MTCH1: variants seen among roughly 807,000 people sequenced by gnomAD.
MTCH1 encodes the protein mitochondrial carrier homolog 1.
A neutral mutation model predicts 49.3 loss-of-function variants in MTCH1; 23 were observed. That is an observed-to-expected ratio of 0.47 (90% CI 0.34 to 0.66). The LOEUF (loss-of-function observed/expected upper bound fraction) is 0.66. MTCH1 is among the 30% of genes least tolerant of loss of function. MTCH1 has a pLI of 0.01. For synonymous variants in MTCH1, 229 were observed against 215.2 expected (o/e 1.06, Z -0.56); for missense variants, 397 against 532.1 (o/e 0.75, Z 2.50).
chr6:36,974,956 G>T (rs901056803), intron 7 of MTCH1, among the ~76,000 whole-genome samples: 1 of 152,158 alleles, frequency 6.6e-6, no homozygotes, highest in Non-Finnish European at 1.5e-5. Context: ...ATCAAGCCTG[G>T]CTTCTGTCTG....
chr6:36,972,824 C>A lies in MTCH1; in HGVS notation c.762-28G>T. The A allele has an allele frequency of 6.5e-7, 1 of 1,533,574 alleles. No individual in the cohort carries two copies. The highest frequency in any genetic ancestry group is 8.8e-7 in the Non-Finnish European group (1 of 1,132,806). The allele number at this position is 1,533,574 out of a possible 1,614,324, so 95.0% of individuals were successfully genotyped here. ...AAAAAACAAGGTAAGCAGAGATGAGCAGGAGAGGGAGAGGAGCAGTTCCTG... is the reference window on the plus strand; with the variant it reads ...AAAAAACAAGGTAAGCAGAGATGAGAAGGAGAGGGAGAGGAGCAGTTCCTG... On this transcript the variant is annotated intron_variant, in intron 7 of 11. Transcript: ENST00000373627. This position sits in a 1 kb window ranked among gnomAD's most constrained non-coding sequence, Gnocchi z 4.1.
chr6:36,983,635 CG>C (rs1764187928), intron 1 of MTCH1, among the ~76,000 whole-genome samples: 2 of 152,140 alleles, frequency 1.3e-5, no homozygotes, highest in Non-Finnish European at 1.5e-5. Flanking sequence ...GTCCTAACTA[CG>C]GCAAATGCTG....
In MTCH1 at chr6:36,978,090, T is replaced by C; in HGVS notation, c.579A>G (p.Lys193=). 1 of 1,612,906 alleles carries C rather than the reference T, an allele frequency of 6.2e-7. No homozygotes were observed. Among genetic ancestry groups the C allele is most frequent in the East Asian group, 2.2e-5 (1 of 44,882 alleles). Residue 193 remains lysine, a synonymous_variant, in exon 4 of 12, where the codon AAA becomes AAG. Transcript: ENST00000373627. ...TCTCAACACCCACCTCCTTCACAACTTTCTTCAGGGAAGTCTTCATATCAT... is the reference window on the plus strand; with the variant it reads ...TCTCAACACCCACCTCCTTCACAACCTTCTTCAGGGAAGTCTTCATATCAT... ...NKDDMKTSLK[K]VVKETSYEMM...
At chr6:36,976,662 C>G in intron 6 of MTCH1, 1 of 456,350 alleles carries the variant, frequency 2.2e-6, no homozygotes, top group Non-Finnish European at 4.6e-6. Flanking sequence ...CCAGGTGTGT[C>G]CTTCACACAT....
In MTCH1 at chr6:36,981,625, C is replaced by T. The variant is rs780822674; in HGVS notation, c.369G>A (p.Gly123=). 65 of 1,613,876 alleles carry T rather than the reference C, an allele frequency of 4.0e-5. No homozygotes were observed. The highest frequency in any genetic ancestry group is 5.4e-5 in the Non-Finnish European group (64 of 1,179,970). ...AGCTCGGCAGATAGAGGACCTTCCT[C>T]CCCAGCACATTGGTCCCAAGGGTGG... The part of the protein sequence containing the change: ...MPPTLGTNVL[G]RKVLYLPSFF... Residue 123 remains glycine (G), a synonymous_variant, in exon 2 of 12, where the codon GGG becomes GGA. Coordinates refer to ENST00000373627, the MANE Select transcript of MTCH1 (RefSeq NM_001271641.2).
Position 36,982,786 on chromosome 6 carries a change from G to A in MTCH1, c.322-1114C>T, listed in dbSNP as rs374583017. On this transcript the variant is annotated intron_variant, in intron 1 of 11. Transcript: ENST00000373627. The surrounding 1 kb of genome is among the most constrained non-coding windows in gnomAD (Gnocchi z 4.1). ...GAGGGGTGAGAGCCCCTGCTGCCAG[G>A]GAGGAGGCAAGGTGTCAAGGAGACC... 6.6e-6 allele frequency among the ~76,000 whole-genome samples: 1 copy of A among 152,252 alleles called. No individual in the cohort carries two copies. The highest frequency in any genetic ancestry group is 1.5e-5 in the Non-Finnish European group (1 of 68,042).
intron 11 of MTCH1, 145 bp downstream of exon 11, chr6:36,969,894 C>T (rs1420385786): frequency 1.2e-5 from 19 of 1,547,212 alleles, no homozygotes; most frequent in Non-Finnish European, 1.5e-5. Flanking sequence ...AACTTAAATG[C>T]CTTATAGATA....
rs144166180 is a variant in MTCH1, at chr6:36,969,993, T to C, written c.1098+46A>G. The C allele has an allele frequency of 5.6e-4, 896 of 1,608,500 alleles. 6 individuals are homozygous for C. In the African/African-American group the frequency reaches 7.8e-3, roughly 14 times the overall value. On this transcript the variant is annotated intron_variant, in intron 11 of 11. Coordinates refer to ENST00000373627, the MANE Select transcript of MTCH1 (RefSeq NM_001271641.2). ...CCACAAAACCATTTCAGCTGAAGGA[T>C]GTAGCAAAGAACAGGAAAGGCCTCC...
At chr6:36,979,771 A>T (rs1424626918) in intron 2 of MTCH1, among the ~76,000 whole-genome samples, 1 of 152,164 alleles carries the variant, frequency 6.6e-6, no homozygotes, top group Non-Finnish European at 1.5e-5. Flanking sequence ...GAGGAGAGGG[A>T]GCCTCAGGAC....
Position 36,981,581 on chromosome 6 carries a change from C to A in MTCH1, c.406+7G>T. On this transcript the variant is annotated splice_region_variant and intron_variant, in intron 2 of 11. Coordinates refer to ENST00000373627, the MANE Select transcript of MTCH1 (RefSeq NM_001271641.2). ...TGTGGGCTTTCCTGCTTGGGAGGCA[C>A]ACTCACCGTAGGTGAAGAAGCTCGG... 6.2e-7 allele frequency: 1 copy of A among 1,613,410 alleles called. No individual in the cohort carries two copies. Among genetic ancestry groups the A allele is most frequent in the Non-Finnish European group, 8.5e-7 (1 of 1,179,556 alleles).
At chr6:36,976,445 A>C (rs966576950) in intron 6 of MTCH1, 2 of 442,878 alleles carry the variant, frequency 4.5e-6, no homozygotes, top group Non-Finnish European at 9.6e-6. Flanking sequence ...GCCCGGCCCC[A>C]CCACTCAGAA....
chr6:36,974,451 C>T (rs186870782), intron 7 of MTCH1, among the ~76,000 whole-genome samples: 105 of 152,272 alleles, frequency 6.9e-4, no homozygotes, highest in East Asian at 2.9e-3. Context: ...GTAATCCTCC[C>T]GCCTTGGTCT....
In MTCH1 at chr6:36,972,554, C is replaced by T. The variant is rs1763720031; in HGVS notation, c.906+98G>A. On this transcript the variant is annotated intron_variant, in intron 8 of 11. Transcript: ENST00000373627. The surrounding 1 kb of genome is among the most constrained non-coding windows in gnomAD (Gnocchi z 4.1). The stretch of plus-strand genomic sequence containing the variant: ...TAATGAGAGGTCCTCTCTCACCCTC[C>T]CGGCCTGATGCTGAGAATCCCAGAA... 9.9e-6 allele frequency: 14 copies of T among 1,413,502 alleles called. No individual in the cohort carries two copies. The highest frequency in any genetic ancestry group is 1.3e-5 in the Non-Finnish European group (14 of 1,049,310). 87.6% of individuals were successfully genotyped at this position (1,413,502 alleles called of 1,614,324 possible).
upstream of MTCH1, chr6:36,986,394 C>T (rs1764323288): frequency 1.1e-5 from 4 of 372,762 alleles, no homozygotes; most frequent in South Asian, 2.3e-4. Flanking sequence ...GCCGGGGCCC[C>T]GGGCTCGGGA....
chr6:36,986,342 C>A, upstream of MTCH1: 1 of 567,040 alleles, frequency 1.8e-6, no homozygotes, highest in Non-Finnish European at 2.7e-6. Flanking sequence ...GGAGGCCTAG[C>A]AGGACACTGG....
Position 36,968,984 on chromosome 6 carries a change from A to C in MTCH1, c.1099-10T>G, listed in dbSNP as rs1193986815. On this transcript the variant is annotated splice_polypyrimidine_tract_variant and intron_variant, in intron 11 of 11. Coordinates refer to ENST00000373627, the MANE Select transcript of MTCH1 (RefSeq NM_001271641.2). ...CTCGGAAGAGCTGGCCCTGGACCAG[A>C]AGGAAAAGTAAGGTGAGTGAAAGGG... The C allele has an allele frequency of 6.2e-7, 1 of 1,613,534 alleles. No homozygotes were observed. The highest frequency in any genetic ancestry group is 1.7e-5 in the Admixed American group (1 of 59,966).
At chr6:36,978,657 G>A (rs2150750527) in intron 2 of MTCH1, 46 bp from the exon 3 acceptor site, 2 of 1,560,472 alleles carry the variant, frequency 1.3e-6, no homozygotes, top group East Asian at 4.5e-5. Context: ...CAGTTCAGGG[G>A]CACCCACTCC....
chr6:36,971,506 G>A (rs138216669), intron 8 of MTCH1, among the ~76,000 whole-genome samples: 244 of 152,190 alleles, frequency 1.6e-3, no homozygotes, highest in African/African-American at 3.6e-3. Flanking sequence ...GGCCCCCCGA[G>A]AAGGGGCAGA....
rs147355456 is a variant in MTCH1, at chr6:36,970,149, G to C, written c.1023-35C>G. ...AAGGAGAGTGTAGATGCAGAGAACA[G>C]TGGAAGACAGCCAGCCACGGGAAAG... is the stretch of plus-strand genomic sequence containing the variant. On this transcript the variant is annotated intron_variant, in intron 10 of 11. Coordinates refer to ENST00000373627, the MANE Select transcript of MTCH1 (RefSeq NM_001271641.2). 4 of 1,604,008 alleles carry C rather than the reference G, an allele frequency of 2.5e-6. No homozygotes were observed. The African/African-American group carries it at 5.4e-5, about 21-fold the overall frequency.
Sources: gnomAD v4.1 joint callset for allele counts (sites outside exome capture counted in the v4.1 genomes callset) on GRCh38, gnomAD v4.1.1 for gene constraint, Gnocchi (gnomAD v3.1) non-coding constraint, MANE v1.5 for transcripts, NCBI Gene and HGNC (gene_info 2026-07-23, HGNC 2026-07-21) for gene names.